The following LAMA2 variants were observed in gnomAD, a reference collection of about 807,000 sequenced individuals.
LAMA2 encodes the protein laminin subunit alpha 2.
In LAMA2, 269 loss-of-function variants were observed where a neutral mutation model predicts 364.8. That is an observed-to-expected ratio of 0.74 (90% CI 0.67 to 0.82). LAMA2 has a LOEUF of 0.82. Ranked by LOEUF, LAMA2 falls within the 40% of genes least tolerant of loss-of-function variation. The pLI, the probability that LAMA2 is intolerant of heterozygous loss-of-function variation, is 0.00. For missense variants in LAMA2, 3,807 were observed against 3,873.2 expected (o/e 0.98, Z 0.45); for synonymous variants, 1,379 against 1,370.6 (o/e 1.01, Z -0.14).
intron 8 of LAMA2, chr6:129,158,536 C>T: frequency 6.2e-7 from 1 of 1,614,062 alleles, no homozygotes; most frequent in Admixed American, 1.7e-5. Flanking sequence ...AATGCTTCAT[C>T]CTGTTCCAAA....
At chr6:129,051,668 C>T (rs375766814) in intron 2 of LAMA2, among the ~76,000 whole-genome samples, 1 of 18,928 alleles carries the variant, frequency 5.3e-5, no homozygotes, top group Non-Finnish European at 9.9e-5. Flanking sequence ...ATCTATAGAT[C>T]GATCTATAGA....
At chr6:128,888,779 G>A (rs1209358402) in intron 1 of LAMA2, among the ~76,000 whole-genome samples, 1 of 152,192 alleles carries the variant, frequency 6.6e-6, no homozygotes, top group Non-Finnish European at 1.5e-5. Flanking sequence ...CTTTTTGTCT[G>A]AGTGAGATGA....
chr6:128,978,387 G>A (rs539094249), intron 1 of LAMA2, among the ~76,000 whole-genome samples: 1 of 145,328 alleles, frequency 6.9e-6, no homozygotes. Flanking sequence ...GTGTGGTCTC[G>A]GCTCACTGCA....
chr6:129,233,991 G>A lies in LAMA2; in HGVS notation c.1783-16121G>A, dbSNP rs564980815. On this transcript the variant is annotated intron_variant, in intron 12 of 64. Coordinates refer to ENST00000421865, the MANE Select transcript of LAMA2 (RefSeq NM_000426.4). ...CAGGGTTGAGGAACTCTTTTTTTCCGCATCTGACCAAGGGCAGGCTTGATA... is the reference window on the plus strand; with the variant it reads ...CAGGGTTGAGGAACTCTTTTTTTCCACATCTGACCAAGGGCAGGCTTGATA... Among the ~76,000 whole-genome samples the A allele has an allele frequency of 1.1e-4, 17 of 152,102 alleles. 1 individual carries two copies. Among genetic ancestry groups the A allele is most frequent in the South Asian group, 2.1e-4 (1 of 4,820 alleles).
chr6:129,209,544 C>T (rs544604304), intron 12 of LAMA2, among the ~76,000 whole-genome samples: 2 of 152,262 alleles, frequency 1.3e-5, no homozygotes, highest in African/African-American at 4.8e-5. Flanking sequence ...CTCTGCATCC[C>T]TGATTTATAT....
At chr6:129,311,412 C>T (rs1054778340) in intron 22 of LAMA2, among the ~76,000 whole-genome samples, 2 of 152,196 alleles carry the variant, frequency 1.3e-5, no homozygotes, top group African/African-American at 2.4e-5. Context: ...TGAGCCACCG[C>T]GCCCGGCCTA....
chr6:128,938,445 T>A lies in LAMA2; in HGVS notation c.112+55088T>A, dbSNP rs933199384. On this transcript the variant is annotated intron_variant, in intron 1 of 64. Transcript: ENST00000421865. ...TTATAAAAAAGTTTTTATTGTCCGATGTTTTAGACGGCGTAGTTATAGGAG... is the reference window on the plus strand; with the variant it reads ...TTATAAAAAAGTTTTTATTGTCCGAAGTTTTAGACGGCGTAGTTATAGGAG... 6.6e-5 allele frequency among the ~76,000 whole-genome samples: 10 copies of A among 152,308 alleles called. No homozygotes were observed. In the East Asian group the frequency reaches 1.2e-3, roughly 18 times the overall value.
intron 48 of LAMA2, among the ~76,000 whole-genome samples, chr6:129,459,856 C>T (rs187073154): frequency 6.6e-6 from 1 of 152,118 alleles, no homozygotes; most frequent in East Asian, 1.9e-4. Flanking sequence ...CACAAAAATT[C>T]CACATTACAG....
chr6:129,197,757 A>T (rs142978074), intron 12 of LAMA2, among the ~76,000 whole-genome samples: 1 of 152,320 alleles, frequency 6.6e-6, no homozygotes, highest in African/African-American at 2.4e-5. Context: ...AGTATTAAAA[A>T]ACAAAAAAAA....
At chr6:129,055,176 T>TTTATTATTATTTATTATTATTA (rs543816872) in intron 2 of LAMA2, among the ~76,000 whole-genome samples, 71 of 123,758 alleles carry the variant, frequency 5.7e-4, no homozygotes, top group Middle Eastern at 4.0e-3. Context: ...ATTATTATTA[T>TTTATTATTATTTATTATTATTA]TTATTATTAT....
intron 1 of LAMA2, among the ~76,000 whole-genome samples, chr6:128,891,580 C>T (rs931724711): frequency 6.6e-6 from 1 of 151,818 alleles, no homozygotes; most frequent in Non-Finnish European, 1.5e-5. Flanking sequence ...TCTAGTAAGG[C>T]CTCAATAAAT....
At chr6:129,238,042 A>G (rs920424669) in intron 12 of LAMA2, among the ~76,000 whole-genome samples, 6 of 150,866 alleles carry the variant, frequency 4.0e-5, no homozygotes, top group Admixed American at 4.0e-4. Context: ...GTGCACACCT[A>G]TAATTCCAGC....
At chr6:129,252,855 G>A (rs1180970708) in intron 14 of LAMA2, among the ~76,000 whole-genome samples, 1 of 152,122 alleles carries the variant, frequency 6.6e-6, no homozygotes, top group Admixed American at 6.5e-5. Flanking sequence ...AATTCAATAA[G>A]CTTTATTGCT....
At chr6:129,368,193 A>G (rs943687686) in intron 33 of LAMA2, among the ~76,000 whole-genome samples, 1 of 152,234 alleles carries the variant, frequency 6.6e-6, no homozygotes, top group African/African-American at 2.4e-5. Context: ...ACCTCCTAAT[A>G]TCATCACATT....
chr6:129,090,353 G>A (rs567923858), intron 3 of LAMA2, among the ~76,000 whole-genome samples: 1 of 152,058 alleles, frequency 6.6e-6, no homozygotes, highest in Non-Finnish European at 1.5e-5. Context: ...TGAAGGATAA[G>A]ACTCTTTTAT....
Position 129,313,111 on chromosome 6 carries a change from A to T in LAMA2, c.3411+14A>T. The T allele has an allele frequency of 6.6e-7, 1 of 1,513,352 alleles. No homozygotes were observed. The highest frequency in any genetic ancestry group is 9.1e-7 in the Non-Finnish European group (1 of 1,100,350). The allele number at this position is 1,513,352 out of a possible 1,614,324, so 93.7% of individuals were successfully genotyped here. On this transcript the variant is annotated intron_variant, in intron 23 of 64. Coordinates refer to ENST00000421865, the MANE Select transcript of LAMA2 (RefSeq NM_000426.4). ...TGCACTTGTAAGGTATGTGCTGCTGACATGCAGCTAGGGAAAACCTCCCTC... is the reference window on the plus strand; with the variant it reads ...TGCACTTGTAAGGTATGTGCTGCTGTCATGCAGCTAGGGAAAACCTCCCTC...
intron 4 of LAMA2, among the ~76,000 whole-genome samples, chr6:129,103,829 G>T (rs1775663972): frequency 6.6e-6 from 1 of 151,684 alleles, no homozygotes; most frequent in African/African-American, 2.4e-5. Context: ...TTACATAGTA[G>T]GTGTATATAT....
chr6:129,027,560 A>G (rs886568117), intron 1 of LAMA2, among the ~76,000 whole-genome samples: 1 of 152,002 alleles, frequency 6.6e-6, no homozygotes, highest in Non-Finnish European at 1.5e-5. Flanking sequence ...ACAGACAAAG[A>G]ATCAAACAAT....
chr6:129,101,697 C>T (rs1775529536), intron 4 of LAMA2, among the ~76,000 whole-genome samples: 1 of 152,202 alleles, frequency 6.6e-6, no homozygotes, highest in Non-Finnish European at 1.5e-5. Context: ...CTAGCAGCCA[C>T]CACACTGGAT....
Sources: allele counts gnomAD v4.1 joint callset (sites outside exome capture counted in the v4.1 genomes callset), GRCh38; gene constraint gnomAD v4.1.1; transcripts MANE v1.5; gene names NCBI Gene and HGNC (gene_info 2026-07-23, HGNC 2026-07-21).